The following KAT6B variants were observed in gnomAD, a reference collection of about 807,000 sequenced individuals.
KAT6B encodes the protein histone acetyltransferase KAT6B.
A neutral mutation model predicts 187.5 loss-of-function variants in KAT6B; 10 were observed. The ratio of observed to expected loss-of-function variants is 0.05; its 90% confidence interval spans 0.03 to 0.09. The LOEUF (loss-of-function observed/expected upper bound fraction) is 0.09, where lower values mean the gene tolerates loss of function less well. KAT6B is among the 10% of genes least tolerant of loss of function. The probability of loss-of-function intolerance (pLI) is 1.00; values close to 1 mark genes in which losing one functional copy is unlikely to be tolerated. For missense variants in KAT6B, 1,952 were observed against 2,558.9 expected (o/e 0.76, Z 5.12); for synonymous variants, 861 against 926.8 (o/e 0.93, Z 1.29).
At chr10:74,977,515 T>C in intron 9 of KAT6B, 78 bp downstream of exon 9, 1 of 1,527,764 alleles carries the variant, frequency 6.5e-7, no homozygotes, top group Non-Finnish European at 9.0e-7. Flanking sequence ...ACTGTGTTGA[T>C]TTTATAGAGA....
In KAT6B at chr10:75,028,505, T is replaced by C; in HGVS notation, c.3681T>C (p.Asp1227=). The C allele has an allele frequency of 5.6e-6, 9 of 1,614,194 alleles. No homozygotes were observed. Among genetic ancestry groups the C allele is most frequent in the Admixed American group, 1.7e-5 (1 of 60,022 alleles). The change falls in exon 18 of 18, where the codon GAT becomes GAC. Residue 1227 remains aspartate (D), a synonymous_variant. Transcript: ENST00000287239. The part of the protein sequence containing the change: ...ADPCRNNMND[D]SSNLKEGSKD... ...TTCACTAAGACAATATGAATGATGA[T>C]TCAAGTAACTTGAAAGAAGGCAGTA...
In KAT6B at chr10:75,021,079, A is replaced by T. The variant is rs1220174754; in HGVS notation, c.2862-47A>T. 2.5e-6 allele frequency: 4 copies of T among 1,574,876 alleles called. No homozygotes were observed. The Admixed American group carries it at 6.7e-5, about 26-fold the overall frequency. ...TATGTCCGTATGTGAAGCTGAAGTGAAATTTCAGCTTGTGATTACATCTTG... is the reference window on the plus strand; with the variant it reads ...TATGTCCGTATGTGAAGCTGAAGTGTAATTTCAGCTTGTGATTACATCTTG... On this transcript the variant is annotated intron_variant, in intron 14 of 17. Coordinates refer to ENST00000287239, the MANE Select transcript of KAT6B (RefSeq NM_012330.4).
At chr10:74,886,675 C>G (rs1289065484) in intron 3 of KAT6B, among the ~76,000 whole-genome samples, 1 of 152,174 alleles carries the variant, frequency 6.6e-6, no homozygotes, top group Non-Finnish European at 1.5e-5. Flanking sequence ...TGCATCTGCT[C>G]CTACTCTGTA....
chr10:74,868,296 C>T (rs1343528518), intron 3 of KAT6B, among the ~76,000 whole-genome samples: 1 of 152,144 alleles, frequency 6.6e-6, no homozygotes, highest in African/African-American at 2.4e-5. Context: ...TCTTGAACTC[C>T]TGAGCTCAAG....
intron 9 of KAT6B, among the ~76,000 whole-genome samples, chr10:74,977,766 A>T (rs1842256046): frequency 6.6e-6 from 1 of 152,240 alleles, no homozygotes; most frequent in Non-Finnish European, 1.5e-5. Context: ...AACAATTTAA[A>T]ATCATTAACA....
chr10:74,984,690 T>G (rs1564606002), intron 11 of KAT6B: 1 of 201,838 alleles, frequency 5.0e-6, no homozygotes, highest in Non-Finnish European at 1.0e-5. Flanking sequence ...AAAGTTTAAC[T>G]TACTTGAGAA....
chr10:74,867,794 G>T (rs904287902), intron 3 of KAT6B, among the ~76,000 whole-genome samples: 4 of 152,100 alleles, frequency 2.6e-5, no homozygotes, highest in Admixed American at 2.6e-4. Context: ...GCTTGGTTTG[G>T]GTTTTGAAGT....
chr10:74,999,578 C>G (rs1843687377), intron 13 of KAT6B, among the ~76,000 whole-genome samples: 1 of 152,142 alleles, frequency 6.6e-6, no homozygotes, highest in Middle Eastern at 3.2e-3. Context: ...GTTAGGAAAA[C>G]CAGAAGAGGT....
chr10:75,009,088 A>G (rs1036866039), intron 13 of KAT6B, among the ~76,000 whole-genome samples: 1 of 152,240 alleles, frequency 6.6e-6, no homozygotes, highest in African/African-American at 2.4e-5. Flanking sequence ...ACCTAGTTGT[A>G]TATACCCCCA....
intron 3 of KAT6B, among the ~76,000 whole-genome samples, chr10:74,955,435 T>A (rs963237154): frequency 2.1e-5 from 3 of 139,546 alleles, no homozygotes; most frequent in African/African-American, 8.2e-5. Context: ...GAGGAAAAAT[T>A]ATAGAATGAA....
intron 16 of KAT6B, among the ~76,000 whole-genome samples, 154 bp from the exon 17 acceptor site, chr10:75,024,804 T>G (rs1321343348): frequency 6.6e-6 from 1 of 152,190 alleles, no homozygotes; most frequent in East Asian, 1.9e-4. Context: ...GAGAGGGATG[T>G]TAGACATCAA....
upstream of KAT6B, among the ~76,000 whole-genome samples, chr10:74,826,127 A>AG (rs1259942029): frequency 1.3e-5 from 1 of 78,432 alleles, no homozygotes; most frequent in African/African-American, 5.0e-5. Context: ...GCTGCGGGCT[A>AG]GGGGGTTTGG....
intron 13 of KAT6B, among the ~76,000 whole-genome samples, chr10:74,993,991 G>A (rs1259282963): frequency 1.3e-5 from 2 of 152,146 alleles, no homozygotes; most frequent in Non-Finnish European, 2.9e-5. Context: ...TAATCAGTAA[G>A]CATCTGGTGA....
chr10:75,000,275 GGA>G (rs886769581), intron 13 of KAT6B, among the ~76,000 whole-genome samples: 9 of 151,950 alleles, frequency 5.9e-5, no homozygotes, highest in African/African-American at 2.2e-4. Context: ...TTTTTAAGCT[GGA>G]GAGCCTGGAG....
chr10:74,979,613 G>A (rs1324496512), intron 10 of KAT6B, among the ~76,000 whole-genome samples: 2 of 149,418 alleles, frequency 1.3e-5, no homozygotes, highest in Admixed American at 6.7e-5. Context: ...TTGGGGAAAT[G>A]TTGGTTTTGT....
rs550691875 is a variant in KAT6B, at chr10:74,826,799, C to T, written c.-329+14C>T. ...GCGCGCAGCCAGGTCTGTCACCCAC[C>T]CCGCGCGTTCCCAGGGGGAGGAGAC... is the stretch of plus-strand genomic sequence containing the variant. On this transcript the variant is annotated intron_variant, in intron 1 of 17. Coordinates refer to ENST00000287239, the MANE Select transcript of KAT6B (RefSeq NM_012330.4). The T allele has an allele frequency of 9.2e-5, 14 of 151,758 alleles. No homozygotes were observed. The highest frequency in any genetic ancestry group is 3.2e-4 in the African/African-American group (13 of 41,254). 9.4% of individuals were successfully genotyped at this position (151,758 alleles called of 1,614,324 possible).
chr10:74,966,108 C>T (rs1285762096), intron 4 of KAT6B, among the ~76,000 whole-genome samples: 3 of 152,286 alleles, frequency 2.0e-5, no homozygotes, highest in Admixed American at 2.0e-4. Context: ...AGGTGAAGGT[C>T]ATGGCCAGGT....
intron 8 of KAT6B, chr10:74,976,625 C>A (rs751649042): frequency 2.2e-6 from 1 of 451,754 alleles, no homozygotes; most frequent in Non-Finnish European, 4.1e-6. Flanking sequence ...TTTGTAGTCC[C>A]GCATGAGTAG....
intron 1 of KAT6B, among the ~76,000 whole-genome samples, chr10:74,836,221 T>G (rs1841297755): frequency 6.6e-6 from 1 of 152,252 alleles, no homozygotes; most frequent in Non-Finnish European, 1.5e-5. Flanking sequence ...CATCTGTTGA[T>G]GGACATTTGG....
Sources: allele counts gnomAD v4.1 joint callset (sites outside exome capture counted in the v4.1 genomes callset), GRCh38; gene constraint gnomAD v4.1.1; transcripts MANE v1.5; gene names NCBI Gene and HGNC (gene_info 2026-07-23, HGNC 2026-07-21).